Variants in PIGU observed in about 807,000 individuals in gnomAD.
PIGU encodes GPI-anchor transamidase component PIGU.
Under a neutral mutation model 49.9 loss-of-function variants are expected in PIGU, and 24 were observed. The ratio of observed to expected loss-of-function variants is 0.48; its 90% CI spans 0.35 to 0.68. The LOEUF (loss-of-function observed/expected upper bound fraction) is 0.68, where lower values mean the gene tolerates loss of function less well. Among genes scored for constraint, PIGU ranks in the 30% least tolerant of loss-of-function variants. PIGU has a pLI of 0.01. For missense variants in PIGU, 490 were observed against 532.6 expected (o/e 0.92, Z 0.79); for synonymous variants, 220 against 205.7 (o/e 1.07, Z -0.59).
At chr20:34,595,693 G>A (rs1328529591) in intron 7 of PIGU, among the ~76,000 whole-genome samples, 1 of 152,058 alleles carries the variant, frequency 6.6e-6, no homozygotes, top group African/African-American at 2.4e-5. Context: ...CAATATGTGG[G>A]GAGAATCCAA....
intron 11 of PIGU, among the ~76,000 whole-genome samples, chr20:34,567,802 C>CCTCCT (rs1982837011): frequency 6.9e-6 from 1 of 144,518 alleles, no homozygotes; most frequent in African/African-American, 2.6e-5. Flanking sequence ...CCTCCTTCCT[C>CCTCCT]CTCTCTCTCT....
At position 34,588,495 on chromosome 20, in the gene PIGU, AG is replaced by A. The variant is rs1448055559; in HGVS notation, c.739del (p.Leu247PhefsTer58). On this transcript the variant is annotated frameshift_variant, in exon 8 of 12. Coordinates refer to ENST00000217446, the MANE Select transcript of PIGU (RefSeq NM_080476.5). LOFTEE classifies it high-confidence loss of function. Reference protein sequence around the residue: ...LVVIICLSFFLLSSWDFIPAV... With the variant: ...LVVIICLSFFXLSSWDFIPAV... Reference sequence around the variant, plus strand: ...GGGGATGAAATCCCAAGAGCTGAGAAGGAAGAAGGAGAGGCAAATGATTACC... The same window carrying A: ...GGGGATGAAATCCCAAGAGCTGAGAAGAAGAAGGAGAGGCAAATGATTACC... 6.2e-7 allele frequency: 1 copy of A among 1,614,080 alleles called. No homozygotes were observed. The highest frequency in any genetic ancestry group is 1.1e-5 in the South Asian group (1 of 91,084).
At chr20:34,586,976 A>G (rs1007884245) in intron 8 of PIGU, among the ~76,000 whole-genome samples, 3 of 152,216 alleles carry the variant, frequency 2.0e-5, no homozygotes, top group South Asian at 2.1e-4. Context: ...CTTGAGCAGT[A>G]GGACGTAAAT....
chr20:34,562,608 T>A (rs1396751089), intron 11 of PIGU: 1 of 1,269,584 alleles, frequency 7.9e-7, no homozygotes, highest in East Asian at 5.6e-5. Context: ...ATGGGGAAAC[T>A]GAGACTCAAA....
At chr20:34,648,023 G>A (rs1986413264) in intron 2 of PIGU, among the ~76,000 whole-genome samples, 1 of 152,114 alleles carries the variant, frequency 6.6e-6, no homozygotes, top group Admixed American at 6.6e-5. Context: ...GCTGAGGTGG[G>A]AGGATCACTT....
intron 2 of PIGU, among the ~76,000 whole-genome samples, chr20:34,648,867 TTGAC>T: frequency 1.3e-5 from 2 of 151,474 alleles, no homozygotes; most frequent in Middle Eastern, 6.8e-3. Flanking sequence ...GACTGATTGA[TTGAC>T]TGATTGACTG....
chr20:34,587,702 C>T (rs1003299287), intron 8 of PIGU, among the ~76,000 whole-genome samples: 4 of 152,138 alleles, frequency 2.6e-5, no homozygotes, highest in African/African-American at 9.7e-5. Context: ...CTTCTATGAG[C>T]GTAATTGTTT....
At chr20:34,614,293 T>G (rs1427313342) in intron 7 of PIGU, among the ~76,000 whole-genome samples, 1 of 151,724 alleles carries the variant, frequency 6.6e-6, no homozygotes, top group Non-Finnish European at 1.5e-5. Context: ...AGTGAGACAC[T>G]GTCTCAAAAA....
intron 7 of PIGU, among the ~76,000 whole-genome samples, chr20:34,611,445 G>A (rs1437957669): frequency 6.6e-6 from 1 of 151,962 alleles, no homozygotes; most frequent in Non-Finnish European, 1.5e-5. Flanking sequence ...AGGAGATTGA[G>A]ACCATCCTGG....
chr20:34,564,919 T>C (rs1982679664), intron 11 of PIGU, among the ~76,000 whole-genome samples: 1 of 152,212 alleles, frequency 6.6e-6, no homozygotes, highest in Non-Finnish European at 1.5e-5. Flanking sequence ...GTGAGCACCC[T>C]GCCCCCAGGG....
chr20:34,659,761 C>T (rs1170798713), intron 1 of PIGU, among the ~76,000 whole-genome samples: 6 of 152,112 alleles, frequency 3.9e-5, no homozygotes, highest in Admixed American at 2.0e-4. Flanking sequence ...CCCCCAACCC[C>T]ATGCTCTCTG....
At chr20:34,600,080 A>G (rs1240064895) in intron 7 of PIGU, among the ~76,000 whole-genome samples, 1 of 152,196 alleles carries the variant, frequency 6.6e-6, no homozygotes, top group Non-Finnish European at 1.5e-5. Context: ...AGAAGAATAA[A>G]GTTTCAAGAG....
At chr20:34,587,683 T>C (rs1450690208) in intron 8 of PIGU, among the ~76,000 whole-genome samples, 1 of 152,210 alleles carries the variant, frequency 6.6e-6, no homozygotes, top group Non-Finnish European at 1.5e-5. Context: ...ACCACCCTTC[T>C]ACTCTCTGCT....
chr20:34,573,529 TTAAGAC>T (rs1568621284), intron 11 of PIGU, among the ~76,000 whole-genome samples: 1 of 152,190 alleles, frequency 6.6e-6, no homozygotes, highest in Admixed American at 6.5e-5. Flanking sequence ...AGACCCAAAC[TTAAGAC>T]TAAGACTCAT....
chr20:34,635,380 A>G (rs1038812003), intron 5 of PIGU, among the ~76,000 whole-genome samples: 2 of 152,240 alleles, frequency 1.3e-5, no homozygotes, highest in Non-Finnish European at 2.9e-5. Flanking sequence ...CAACAAGTCA[A>G]GTGTTACAGA....
intron 7 of PIGU, among the ~76,000 whole-genome samples, chr20:34,595,908 G>A (rs1357734786): frequency 6.6e-6 from 1 of 152,078 alleles, no homozygotes; most frequent in Non-Finnish European, 1.5e-5. Context: ...ATACCAGCCT[G>A]GCCAACTAAA....
intron 7 of PIGU, among the ~76,000 whole-genome samples, chr20:34,599,879 A>C (rs1416618830): frequency 6.6e-6 from 1 of 152,100 alleles, no homozygotes; most frequent in East Asian, 1.9e-4. Flanking sequence ...TTGCAACTGT[A>C]CTGTCCCCTA....
intron 2 of PIGU, among the ~76,000 whole-genome samples, chr20:34,650,914 A>G (rs1481574267): frequency 1.3e-5 from 2 of 150,644 alleles, no homozygotes; most frequent in Non-Finnish European, 1.5e-5. Flanking sequence ...GCGTTTCACT[A>G]TGTTGCTTAG....
At chr20:34,656,763 C>CAA (rs66812401) in intron 2 of PIGU, among the ~76,000 whole-genome samples, 2 of 98,832 alleles carry the variant, frequency 2.0e-5, no homozygotes. Flanking sequence ...AAGACCCTGC[C>CAA]AAAAAAAAAA....
Sources: gnomAD v4.1 joint callset for allele counts (sites outside exome capture counted in the v4.1 genomes callset) on GRCh38, gnomAD v4.1.1 for gene constraint, MANE v1.5 for transcripts, NCBI Gene and HGNC (gene_info 2026-07-23, HGNC 2026-07-21) for gene names.